Variants in GABRB1 observed in about 807,000 individuals in gnomAD.
GABRB1 encodes the protein gamma-aminobutyric acid type A receptor subunit beta1, also known as gamma-aminobutyric acid receptor subunit beta-1.
A neutral mutation model predicts 51.6 loss-of-function variants in GABRB1; 17 were observed. That is an observed-to-expected ratio of 0.33 (90% CI 0.23 to 0.49). The LOEUF is 0.49. GABRB1 is among the 20% of genes least tolerant of loss of function. The pLI is 0.99. For missense variants in GABRB1, 410 were observed against 600.6 expected (o/e 0.68, Z 3.32); for synonymous variants, 247 against 218.9 (o/e 1.13, Z -1.14).
chr4:47,096,927 G>C (rs949506213), intron 3 of GABRB1, among the ~76,000 whole-genome samples: 2 of 152,134 alleles, frequency 1.3e-5, no homozygotes, highest in Non-Finnish European at 2.9e-5. Context: ...GACATCTAAC[G>C]CACACACAAC....
At chr4:47,242,946 C>T (rs1721587301) in intron 4 of GABRB1, among the ~76,000 whole-genome samples, 2 of 152,186 alleles carry the variant, frequency 1.3e-5, no homozygotes, top group South Asian at 2.1e-4. Flanking sequence ...GTGTTTTAGA[C>T]ATGAAGTCTT....
chr4:47,333,942 G>A (rs1267840419), intron 5 of GABRB1, among the ~76,000 whole-genome samples: 3 of 152,144 alleles, frequency 2.0e-5, no homozygotes, highest in African/African-American at 7.2e-5. Context: ...TGTATTCCCA[G>A]GATTTAGATT....
intron 5 of GABRB1, among the ~76,000 whole-genome samples, chr4:47,373,420 CA>C (rs1007133817): frequency 2.0e-5 from 3 of 152,102 alleles, no homozygotes; most frequent in African/African-American, 7.2e-5. Context: ...GTTTTGGGGA[CA>C]AAACATGAGT....
At chr4:47,125,233 C>T (rs994385503) in intron 3 of GABRB1, among the ~76,000 whole-genome samples, 1 of 152,060 alleles carries the variant, frequency 6.6e-6, no homozygotes, top group Non-Finnish European at 1.5e-5. Context: ...CAGCAAAGCT[C>T]TGGGAGAGAT....
chr4:47,062,552 A>G (rs1403636203), intron 3 of GABRB1, among the ~76,000 whole-genome samples: 1 of 152,064 alleles, frequency 6.6e-6, no homozygotes, highest in African/African-American at 2.4e-5. Context: ...ATATTGTCGT[A>G]TATCCTAGGA....
chr4:47,339,737 T>C (rs1725816463), intron 5 of GABRB1, among the ~76,000 whole-genome samples: 1 of 151,962 alleles, frequency 6.6e-6, no homozygotes, highest in Non-Finnish European at 1.5e-5. Flanking sequence ...CATTATGGGC[T>C]ATATGAGTTA....
chr4:47,009,291 T>C (rs1171050333), intron 1 of GABRB1, among the ~76,000 whole-genome samples: 1 of 151,430 alleles, frequency 6.6e-6, no homozygotes, highest in Non-Finnish European at 1.5e-5. Flanking sequence ...ATATATGTTT[T>C]TGTATCAAAA....
intron 4 of GABRB1, among the ~76,000 whole-genome samples, chr4:47,287,003 A>T (rs1723534637): frequency 6.6e-6 from 1 of 152,126 alleles, no homozygotes; most frequent in Non-Finnish European, 1.5e-5. Flanking sequence ...TTGCCAAGAC[A>T]CAGCTGGGTT....
At chr4:47,191,871 T>C (rs1218348505) in intron 4 of GABRB1, among the ~76,000 whole-genome samples, 9 of 152,084 alleles carry the variant, frequency 5.9e-5, no homozygotes, top group Non-Finnish European at 1.5e-5. Flanking sequence ...AAAACTAAAC[T>C]CTTGTAATTG....
At chr4:47,192,266 G>A (rs190819359) in intron 4 of GABRB1, among the ~76,000 whole-genome samples, 6 of 152,130 alleles carry the variant, frequency 3.9e-5, no homozygotes, top group African/African-American at 7.2e-5. Context: ...TACCTAACCA[G>A]TGTCAGCACC....
chr4:47,213,336 G>T (rs953984012), intron 4 of GABRB1, among the ~76,000 whole-genome samples: 2 of 152,110 alleles, frequency 1.3e-5, no homozygotes, highest in African/African-American at 2.4e-5. Context: ...ATGTGTCTGT[G>T]TACTGTAACT....
chr4:47,001,206 G>A (rs1000576574), intron 1 of GABRB1, among the ~76,000 whole-genome samples: 14 of 152,152 alleles, frequency 9.2e-5, no homozygotes, highest in Admixed American at 2.6e-4. Flanking sequence ...ACAGTGGCGC[G>A]ATCTGGGCTC....
rs1727451909 is a variant in GABRB1 at position 47,074,086 on chromosome 4, G to A, written c.240+41602G>A. On this transcript the variant is annotated intron_variant, in intron 3 of 8. Transcript: ENST00000295454. ...AATACAATTTTTCTCAAATATGATT[G>A]TATTAAAAACATTGCTATTTCCAAA... Among the ~76,000 whole-genome samples, 3 of 152,176 alleles carry A rather than the reference G, an allele frequency of 2.0e-5. No individual in the cohort carries two copies. The South Asian group carries it at 6.2e-4, about 31-fold the overall frequency.
chr4:47,123,285 A>G (rs1338603295), intron 3 of GABRB1, among the ~76,000 whole-genome samples: 1 of 140,676 alleles, frequency 7.1e-6, no homozygotes, highest in East Asian at 2.0e-4. Flanking sequence ...TTATACATAT[A>G]TATGATTATA....
chr4:47,160,173 C>CT (rs1288416506), intron 3 of GABRB1, among the ~76,000 whole-genome samples: 1 of 152,008 alleles, frequency 6.6e-6, no homozygotes, highest in Non-Finnish European at 1.5e-5. Flanking sequence ...CAGGGGAAAC[C>CT]TAAGTAGAAA....
At chr4:47,333,646 T>C (rs1422734184) in intron 5 of GABRB1, among the ~76,000 whole-genome samples, 1 of 152,018 alleles carries the variant, frequency 6.6e-6, no homozygotes, top group Non-Finnish European at 1.5e-5. Context: ...ACCCAGGAAA[T>C]GGAGGTTGCA....
chr4:47,015,693 T>C (rs1309775825), intron 1 of GABRB1, among the ~76,000 whole-genome samples: 1 of 152,230 alleles, frequency 6.6e-6, no homozygotes, highest in African/African-American at 2.4e-5. Context: ...TAAAGATTAT[T>C]AATATGTTAT....
At chr4:47,021,693 G>T (rs1348077399) in intron 1 of GABRB1, among the ~76,000 whole-genome samples, 1 of 151,836 alleles carries the variant, frequency 6.6e-6, no homozygotes, top group Admixed American at 6.6e-5. Context: ...TTCTTTATCA[G>T]AAAAAGTATA....
In GABRB1 at chr4:47,355,071, C is replaced by T. The variant is rs140674607; in HGVS notation, c.544+34862C>T. Among the ~76,000 whole-genome samples, 885 of 146,272 alleles carry T rather than the reference C, an allele frequency of 6.1e-3. 9 individuals carry two copies. The highest frequency in any genetic ancestry group is 0.02 in the African/African-American group (803 of 39,326). ...CGCGATCTTGGCTCACTGCAACCTC[C>T]GCCTCCCGGGTTCAAGTGATCCTCC... On this transcript the variant is annotated intron_variant, in intron 5 of 8. Coordinates refer to ENST00000295454, the MANE Select transcript of GABRB1 (RefSeq NM_000812.4).
Sources: allele counts gnomAD v4.1 joint callset (sites outside exome capture counted in the v4.1 genomes callset), GRCh38; gene constraint gnomAD v4.1.1; transcripts MANE v1.5; gene names NCBI Gene and HGNC (gene_info 2026-07-23, HGNC 2026-07-21).